IL3RA: variants seen among roughly 807,000 people sequenced by gnomAD.
The protein encoded by IL3RA is interleukin 3 receptor subunit alpha.
In IL3RA, 73 loss-of-function variants were observed where a neutral mutation model predicts 52.3. The ratio of observed to expected loss-of-function variants is 1.40; its 90% CI spans 1.16 to 1.70. IL3RA has a LOEUF of 1.70. IL3RA is among the 40% of genes most tolerant of loss of function. IL3RA has a pLI of 0.00. For synonymous variants in IL3RA, 260 were observed against 194.0 expected (o/e 1.34, Z -2.83); for missense variants, 664 against 504.4 (o/e 1.32, Z -3.03).
At chrX:1,349,978 G>A (rs1259694613) in intron 4 of IL3RA, among the ~76,000 whole-genome samples, 3 of 151,936 alleles carry the variant, frequency 2.0e-5, no homozygotes, top group Admixed American at 6.6e-5. Context: ...TAAGTTTAAT[G>A]GATTTCCAGG....
intron 6 of IL3RA, among the ~76,000 whole-genome samples, chrX:1,354,218 C>A (rs1247689698): frequency 6.6e-6 from 1 of 152,158 alleles, no homozygotes; most frequent in East Asian, 1.9e-4. Context: ...TCAGCCCACG[C>A]CAGTCACCTC....
intron 8 of IL3RA, among the ~76,000 whole-genome samples, chrX:1,359,426 C>T (rs1333498601): frequency 6.6e-6 from 1 of 151,968 alleles, no homozygotes; most frequent in East Asian, 1.9e-4. Context: ...CATCTCTTTC[C>T]CCGTATCTCT....
At chrX:1,352,580 C>CGTGGTCCCGT in intron 6 of IL3RA, 74 bp downstream of exon 6, 2 of 1,467,702 alleles carry the variant, frequency 1.4e-6, no homozygotes, top group South Asian at 1.2e-5. Context: ...CCAGATCCCA[C>CGTGGTCCCGT]GGGACCACGT....
rs2086032791 is a variant in IL3RA at position 1,350,463 on chromosome X, C to T, written c.299-1637C>T. ...AATTAGCCAGGGGTGGTGGCACATG[C>T]CTGTAGTCCCAGCTACTCAGGAGGC... On this transcript the variant is annotated intron_variant, in intron 4 of 11. Coordinates refer to ENST00000331035, the MANE Select transcript of IL3RA (RefSeq NM_002183.4). 2.0e-5 allele frequency among the ~76,000 whole-genome samples: 3 copies of T among 151,148 alleles called. No homozygotes were observed. In the South Asian group the frequency reaches 6.3e-4, roughly 32 times the overall value.
intron 9 of IL3RA, among the ~76,000 whole-genome samples, chrX:1,365,688 A>C (rs867919297): frequency 1.8e-4 from 2 of 11,184 alleles, no homozygotes; most frequent in Non-Finnish European, 2.7e-4. Flanking sequence ...GCGCGGGGTG[A>C]GCGGGGTGCG....
chrX:1,341,896 C>A lies in IL3RA; in HGVS notation c.64+67C>A, dbSNP rs1355651833. 2.0e-6 allele frequency: 3 copies of A among 1,521,254 alleles called. No homozygotes were observed. The East Asian group carries it at 6.7e-5, about 34-fold the overall frequency. 94.2% of individuals were successfully genotyped at this position (1,521,254 alleles called of 1,614,324 possible). A position where few individuals can be genotyped will look rare whatever the true frequency, so the allele number is the denominator to read the frequency against. On this transcript the variant is annotated intron_variant, in intron 2 of 11. Coordinates refer to ENST00000331035, the MANE Select transcript of IL3RA (RefSeq NM_002183.4). Reference sequence around the variant, plus strand: ...GTGGGGGTAGACAGACACACAATGTCAGCGTGCCGTCCTTCAGGGAAACTT... The same window carrying A: ...GTGGGGGTAGACAGACACACAATGTAAGCGTGCCGTCCTTCAGGGAAACTT...
At chrX:1,361,755 G>GAAAAAAA (rs1156722120) in intron 8 of IL3RA, among the ~76,000 whole-genome samples, 2 of 81,766 alleles carry the variant, frequency 2.4e-5, no homozygotes, top group Non-Finnish European at 4.6e-5. Flanking sequence ...TCCGTCTCGA[G>GAAAAAAA]AAAAAAAAAA....
chrX:1,348,664 T>TTC (rs375467429), intron 4 of IL3RA, 119 bp downstream of exon 4: 3 of 454,658 alleles, frequency 6.6e-6, no homozygotes, highest in Admixed American at 8.8e-5. Flanking sequence ...CTTTCTTTCT[T>TTC]TCTTTCTTTC....
At chrX:1,380,519 AGAGG>A (rs2149227102) in intron 10 of IL3RA, among the ~76,000 whole-genome samples, 1 of 8,766 alleles carries the variant, frequency 1.1e-4, no homozygotes, top group Admixed American at 9.4e-4. Context: ...GGGGAAGGGA[AGAGG>A]GGGAGGAGGG....
At chrX:1,356,357 C>A in intron 7 of IL3RA, 21 bp downstream of exon 7, 1 of 1,383,192 alleles carries the variant, frequency 7.2e-7, no homozygotes, top group Non-Finnish European at 9.9e-7. Context: ...ACCCCGCCCC[C>A]AGCCCCCCCA....
chrX:1,365,281 T>A, intron 9 of IL3RA, 29 bp downstream of exon 9: 1 of 1,394,162 alleles, frequency 7.2e-7, no homozygotes, highest in Non-Finnish European at 9.9e-7. Context: ...GTGCGCGGGG[T>A]GAGCGGGGTG....
chrX:1,381,963 T>A (rs1188791622), intron 11 of IL3RA, among the ~76,000 whole-genome samples: 1 of 150,674 alleles, frequency 6.6e-6, no homozygotes, highest in African/African-American at 2.4e-5. Flanking sequence ...TTTTTGTTTT[T>A]GAGACGCAGT....
rs369503167 is a variant in IL3RA, at chrX:1,341,956, G to A, written c.64+127G>A. On this transcript the variant is annotated intron_variant, in intron 2 of 11. Transcript: ENST00000331035. The stretch of plus-strand genomic sequence containing the variant: ...AGCTCATGGCAGAGTCTCATGCAGT[G>A]GTCGGGAATGACTCAGACACTTCCC... 4.7e-5 allele frequency: 46 copies of A among 973,210 alleles called. No individual in the cohort carries two copies. In the African/African-American group the frequency reaches 5.4e-4, roughly 11 times the overall value. The allele number at this position is 973,210 out of a possible 1,614,324, so 60.3% of individuals were successfully genotyped here.
intron 2 of IL3RA, among the ~76,000 whole-genome samples, chrX:1,344,353 G>C (rs1341548907): frequency 6.6e-6 from 1 of 152,014 alleles, no homozygotes; most frequent in African/African-American, 2.4e-5. Flanking sequence ...ATAATCGCTT[G>C]AACCCGGGAG....
chrX:1,359,656 C>G (rs1302977745), intron 8 of IL3RA, among the ~76,000 whole-genome samples: 1 of 151,010 alleles, frequency 6.6e-6, no homozygotes, highest in Non-Finnish European at 1.5e-5. Context: ...CTCCCTGTCT[C>G]TATCTCCCGC....
At chrX:1,361,656 A>C (rs113841596) in intron 8 of IL3RA, among the ~76,000 whole-genome samples, 4 of 151,318 alleles carry the variant, frequency 2.6e-5, no homozygotes, top group East Asian at 2.0e-4. Context: ...GGGAGGCTGA[A>C]GCAGGAGAAT....
At position 1,337,419 on chromosome X, in the gene IL3RA, C is replaced by A. The variant is rs193039995; in HGVS notation, c.-39+493C>A. Among the ~76,000 whole-genome samples the A allele has an allele frequency of 2.6e-5, 4 of 152,146 alleles. No homozygotes were observed. The East Asian group carries it at 7.7e-4, about 29-fold the overall frequency. On this transcript the variant is annotated intron_variant, in intron 1 of 11. Transcript: ENST00000331035. ...TTTCTCAGTGGTTTTCAAAGGCTGG[C>A]GGGACTCAGAATGTTCCAGATGGCT...
At chrX:1,339,276 C>T (rs1186580957) in intron 1 of IL3RA, among the ~76,000 whole-genome samples, 9 of 152,148 alleles carry the variant, frequency 5.9e-5, no homozygotes, top group South Asian at 2.1e-4. Context: ...AGGCTCTGTC[C>T]GAAAGGAGAC....
intron 6 of IL3RA, among the ~76,000 whole-genome samples, chrX:1,355,360 T>G (rs2086615341): frequency 1.9e-5 from 2 of 103,130 alleles, no homozygotes; most frequent in Non-Finnish European, 3.9e-5. Context: ...ACAAGGAGAA[T>G]GGGGAGGAGA....
Sources: allele counts gnomAD v4.1 joint callset (sites outside exome capture counted in the v4.1 genomes callset), GRCh38; gene constraint gnomAD v4.1.1; transcripts MANE v1.5; gene names NCBI Gene and HGNC (gene_info 2026-07-23, HGNC 2026-07-21).